The following PTCH1 variants were observed in gnomAD, a reference collection of about 807,000 sequenced individuals.
The protein encoded by PTCH1 is protein patched homolog 1.
PTCH1 carries 14 observed loss-of-function variants against 144.6 expected under a neutral mutation model. The ratio of observed to expected loss-of-function variants is 0.10; its 90% CI spans 0.06 to 0.15. The LOEUF (loss-of-function observed/expected upper bound fraction) is 0.15. PTCH1 is among the 10% of genes least tolerant of loss of function. The pLI, the probability that PTCH1 is intolerant of heterozygous loss-of-function variation, is 1.00. For synonymous variants in PTCH1, 833 were observed against 793.6 expected, an observed-to-expected ratio of 1.05 and a Z score of -0.83; for missense variants, 1,623 against 1,948.3, an observed-to-expected ratio of 0.83 and a Z score of 3.14.
intron 16 of PTCH1, among the ~76,000 whole-genome samples, chr9:95,461,371 C>G (rs1004644036): frequency 1.3e-5 from 2 of 152,186 alleles, no homozygotes; most frequent in African/African-American, 2.4e-5. Flanking sequence ...CCAAAGATCT[C>G]AAATGTAACA....
In PTCH1 at chr9:95,462,767, C is replaced by T. The variant is rs375682212; in HGVS notation, c.2561-769G>A. The stretch of plus-strand genomic sequence containing the variant: ...TGAGAACAGATGACAAACCACAAGC[C>T]GGGGAGGGGGAGGAAAGAGCTTTCT... On this transcript the variant is annotated intron_variant, in intron 15 of 23. Transcript: ENST00000331920. Among the ~76,000 whole-genome samples the T allele has an allele frequency of 4.4e-4, 67 of 152,274 alleles. No individual in the cohort carries two copies. The South Asian group carries it at 9.8e-3, about 22-fold the overall frequency.
At chr9:95,513,095 A>G (rs748804886), upstream of PTCH1, among the ~76,000 whole-genome samples, 61 of 152,334 alleles carry the variant, frequency 4.0e-4, no homozygotes, top group Non-Finnish European at 7.8e-4. Flanking sequence ...ACACATTTCA[A>G]AAATGACATC....
At chr9:95,457,264 G>T (rs1839024699) in intron 18 of PTCH1, among the ~76,000 whole-genome samples, 1 of 151,456 alleles carries the variant, frequency 6.6e-6, no homozygotes, top group Non-Finnish European at 1.5e-5. Flanking sequence ...AGAGGTGGAG[G>T]GAGGGGAAGG....
In PTCH1 at chr9:95,477,653, T is replaced by C. The variant is rs1301633215; in HGVS notation, c.1397A>G (p.Gln466Arg). The stretch of plus-strand genomic sequence containing the variant: ...GACGCCAGCCAGCCCCACGGCACCC[T>C]GGGACTTGGAGCAGTCCCAGCGCAG... ...TMLRWDCSKS[Q>R]GAVGLAGVLL... is the part of the protein sequence containing the mutation. Residue 466 changes from glutamine (Q) to arginine (R), a missense_variant, in exon 10 of 24, where the codon CAG becomes CGG. Transcript: ENST00000331920. 1 of 1,614,176 alleles carries C rather than the reference T, an allele frequency of 6.2e-7. No homozygotes were observed. The highest frequency in any genetic ancestry group is 1.3e-5 in the African/African-American group (1 of 75,046).
intron 15 of PTCH1, among the ~76,000 whole-genome samples, chr9:95,462,770 G>A (rs1839612582): frequency 6.6e-6 from 1 of 152,224 alleles, no homozygotes; most frequent in South Asian, 2.1e-4. Context: ...CACAAGCCGG[G>A]GAGGGGGAGG....
intron 5 of PTCH1, among the ~76,000 whole-genome samples, chr9:95,481,255 C>T (rs1841512778): frequency 6.6e-6 from 1 of 152,196 alleles, no homozygotes. Flanking sequence ...CACAAAACCC[C>T]TTATTTCCCA....
intron 1 of PTCH1, among the ~76,000 whole-genome samples, chr9:95,515,312 G>C (rs1030706305): frequency 9.2e-5 from 14 of 152,152 alleles, no homozygotes; most frequent in Non-Finnish European, 5.9e-5. Flanking sequence ...ACCCATTGTG[G>C]CTCTTTATTA....
chr9:95,469,170 C>A lies in PTCH1; in HGVS notation c.1848-17G>T, dbSNP rs375623107. ...ACGCAGGGGCTGAAAGGAGGGGAAA[C>A]ATGTTGCAATGTTATGCTGAAACAG... On this transcript the variant is annotated splice_polypyrimidine_tract_variant and intron_variant, in intron 13 of 23. Coordinates refer to ENST00000331920, the MANE Select transcript of PTCH1 (RefSeq NM_000264.5). 2.0e-5 allele frequency: 32 copies of A among 1,613,952 alleles called. No homozygotes were observed. The African/African-American group carries it at 3.9e-4, about 19-fold the overall frequency.
chr9:95,507,032 G>A (rs2118890601), intron 1 of PTCH1: 6 of 989,450 alleles, frequency 6.1e-6, no homozygotes, highest in African/African-American at 1.7e-5. Flanking sequence ...TCACCCTCGG[G>A]GACGGGCGCT....
At chr9:95,486,091 C>T (rs1465891890) in intron 2 of PTCH1, among the ~76,000 whole-genome samples, 2 of 152,186 alleles carry the variant, frequency 1.3e-5, no homozygotes, top group African/African-American at 2.4e-5. Flanking sequence ...ATGGCTGTCC[C>T]GCCTGTCACA....
intron 2 of PTCH1, 124 bp downstream of exon 2, chr9:95,506,283 C>G (rs1169314330): frequency 8.6e-7 from 1 of 1,160,004 alleles, no homozygotes. Flanking sequence ...TAAACAATCC[C>G]CCGGGTGCGG....
chr9:95,508,342 G>A lies in PTCH1; in HGVS notation c.20C>T (p.Ala7Val), dbSNP rs1564092028. The part of the protein sequence containing the change: MASAGN[A>V]AEPQDRGGGG... The stretch of plus-strand genomic sequence containing the variant: ...GCCGCCGCGGTCCTGGGGCTCGGCG[G>A]CGTTACCAGCCGAGGCCATGTTGCC... Residue 7 changes from alanine (A) to valine (V), a missense_variant, in exon 1 of 24, where the codon GCC (alanine) becomes GTC (valine). Physicochemically the swap from Ala to Val is moderately conservative, Grantham distance 64. This residue lies in a region of PTCH1 where 245 missense variants were observed against 240.6 expected (regional missense o/e 1.02). Transcript: ENST00000331920. 3 of 1,255,464 alleles carry A rather than the reference G, an allele frequency of 2.4e-6. No individual in the cohort carries two copies. Among genetic ancestry groups the A allele is most frequent in the Non-Finnish European group, 3.0e-6 (3 of 1,001,406 alleles). The allele number at this position is 1,255,464 out of a possible 1,614,324, so 77.8% of individuals were successfully genotyped here.
chr9:95,513,823 C>G (rs28485705), upstream of PTCH1, among the ~76,000 whole-genome samples: 23,999 of 152,032 alleles, frequency 0.16, 2,590 homozygotes, highest in Non-Finnish European at 0.23. Flanking sequence ...CTTATTTACC[C>G]CCTCCCCAGG....
intron 1 of PTCH1, chr9:95,507,718 C>T (rs368434162): frequency 2.1e-5 from 4 of 186,048 alleles, no homozygotes; most frequent in East Asian, 1.8e-4. Context: ...CCGCCTCCCC[C>T]TCCAAGATGT....
At position 95,476,670 on chromosome 9, in the gene PTCH1, G is replaced by A; in HGVS notation, c.1602+89C>T. 7.8e-7 allele frequency: 1 copy of A among 1,284,074 alleles called. No homozygotes were observed. Among genetic ancestry groups the A allele is most frequent in the Non-Finnish European group, 1.1e-6 (1 of 902,156 alleles). The allele number at this position is 1,284,074 out of a possible 1,614,324, so 79.5% of individuals were successfully genotyped here. ...GACATGGGACTGAAATCTTTACTGGGTCAGACTGAGGAAAATTAAAGGACA... is the reference window on the plus strand; with the variant it reads ...GACATGGGACTGAAATCTTTACTGGATCAGACTGAGGAAAATTAAAGGACA... On this transcript the variant is annotated intron_variant, in intron 11 of 23. Transcript: ENST00000331920. The surrounding 1 kb of genome is among the most constrained non-coding windows in gnomAD (Gnocchi z 4.6).
intron 2 of PTCH1, among the ~76,000 whole-genome samples, chr9:95,505,361 A>C (rs71499905): frequency 6.6e-6 from 1 of 152,218 alleles, no homozygotes; most frequent in Admixed American, 6.5e-5. Context: ...AAGGTAAGGG[A>C]TGCCCAAAGT....
chr9:95,491,554 T>C (rs934213794), intron 2 of PTCH1, among the ~76,000 whole-genome samples: 59 of 152,286 alleles, frequency 3.9e-4, no homozygotes, highest in African/African-American at 1.3e-3. Flanking sequence ...GGAGGGGGCA[T>C]AGCTGCAGAG....
chr9:95,459,955 C>T (rs1305810415), intron 16 of PTCH1, 172 bp from the exon 17 acceptor site: 2 of 738,216 alleles, frequency 2.7e-6, no homozygotes, highest in Non-Finnish European at 2.3e-6. Flanking sequence ...TTTCAATGTG[C>T]ACTTATCGGA....
intron 1 of PTCH1, chr9:95,507,109 A>C: frequency 1.0e-6 from 1 of 984,594 alleles, no homozygotes; most frequent in Non-Finnish European, 1.2e-6. Context: ...CGAGAATGGT[A>C]GTAAGTGGGG....
Sources: allele counts gnomAD v4.1 joint callset (sites outside exome capture counted in the v4.1 genomes callset), GRCh38; gene constraint gnomAD v4.1.1; regional missense constraint gnomAD v4.1.1; non-coding constraint Gnocchi (gnomAD v3.1); transcripts MANE v1.5; gene names NCBI Gene and HGNC (gene_info 2026-07-23, HGNC 2026-07-21).